Variants in TTBK1 observed in about 807,000 individuals in gnomAD.
The protein encoded by TTBK1 is tau-tubulin kinase 1.
A neutral mutation model predicts 108.5 loss-of-function variants in TTBK1; 34 were observed. The observed-to-expected ratio is 0.31, with a 90% CI of 0.24 to 0.42. The LOEUF is 0.42. Among genes scored for constraint, TTBK1 ranks in the 10% least tolerant of loss-of-function variants. The pLI is 1.00. For synonymous variants in TTBK1, 809 were observed against 795.1 expected (o/e 1.02, Z -0.29); for missense variants, 1,539 against 1,826.0 (o/e 0.84, Z 2.86).
intron 10 of TTBK1, among the ~76,000 whole-genome samples, chr6:43,258,544 C>G (rs1777438161): frequency 6.6e-6 from 1 of 151,816 alleles, no homozygotes; most frequent in East Asian, 1.9e-4. Flanking sequence ...GTGCCCAGTT[C>G]CATACAGACA....
At position 43,273,712 on chromosome 6, in the gene TTBK1, C is replaced by T. The variant is rs72869204; in HGVS notation, c.1987-9015C>T. 0.047 allele frequency among the ~76,000 whole-genome samples: 7,128 copies of T among 152,326 alleles called. 226 individuals carry two copies. Among genetic ancestry groups the T allele is most frequent in the Middle Eastern group, 0.078 (23 of 294 alleles). Reference sequence around the variant, plus strand: ...ACTCCCATGCCCATACCATCCTCAGCTCAACCAATTGTTGCCACTATCTTC... The same window carrying T: ...ACTCCCATGCCCATACCATCCTCAGTTCAACCAATTGTTGCCACTATCTTC... On this transcript the variant is annotated intron_variant, in intron 13 of 14. Coordinates refer to ENST00000259750, the MANE Select transcript of TTBK1 (RefSeq NM_032538.3). The surrounding 1 kb of genome is among the most constrained non-coding windows in gnomAD (Gnocchi z 4.2).
Position 43,253,370 on chromosome 6 carries a change from TC to T in TTBK1, c.330+10del, listed in dbSNP as rs1380168635. On this transcript the variant is annotated splice_region_variant and intron_variant, in intron 4 of 14. Coordinates refer to ENST00000259750, the MANE Select transcript of TTBK1 (RefSeq NM_032538.3). This position sits in a 1 kb window ranked among gnomAD's most constrained non-coding sequence, Gnocchi z 5.8. ...ATGTAGTGATGCAGCTCCAGGTGAG[TC>T]CCCGTGGCCCATCCTCGCTCCCCTC... 1.2e-6 allele frequency: 2 copies of T among 1,613,660 alleles called. No individual in the cohort carries two copies. Among genetic ancestry groups the T allele is most frequent in the East Asian group, 4.5e-5 (2 of 44,864 alleles).
In TTBK1 at chr6:43,283,085, TG is replaced by T; in HGVS notation, c.2349del (p.Pro784LeufsTer61). 6.3e-7 allele frequency: 1 copy of T among 1,585,158 alleles called. No individual in the cohort carries two copies. The highest frequency in any genetic ancestry group is 8.6e-7 in the Non-Finnish European group (1 of 1,166,216). On this transcript the variant is annotated frameshift_variant, in exon 14 of 15. Transcript: ENST00000259750. LOFTEE classifies it high-confidence loss of function. The surrounding 1 kb of genome is among the most constrained non-coding windows in gnomAD (Gnocchi z 8.1). Reference protein sequence around the residue: ...AAAAVALGEVLGPRSGSSSEG... With the variant: ...AAAAVALGEVXGPRSGSSSEG... ...GCGGCAGTTGCCTTGGGGGAGGTGC[TG>T]GGGCCTCGTAGTGGCTCCAGCAGTG...
At chr6:43,279,033 G>T (rs2150710903) in intron 13 of TTBK1, among the ~76,000 whole-genome samples, 1 of 152,304 alleles carries the variant, frequency 6.6e-6, no homozygotes, top group African/African-American at 2.4e-5. Context: ...TTTGGGTCCT[G>T]GGCCACCCTG....
In TTBK1 at chr6:43,259,745, C is replaced by T. The variant is rs1777488123; in HGVS notation, c.1424+39C>T. On this transcript the variant is annotated intron_variant, in intron 12 of 14. Transcript: ENST00000259750. This position sits in a 1 kb window ranked among gnomAD's most constrained non-coding sequence, Gnocchi z 6.7. ...CAGGGGCATGGTTGGGGCCCAAGGC[C>T]CTCTCCGCCTTCACGTGGCTGGTCT... 1 of 1,497,788 alleles carries T rather than the reference C, an allele frequency of 6.7e-7. No homozygotes were observed. Among genetic ancestry groups the T allele is most frequent in the Admixed American group, 2.4e-5 (1 of 42,436 alleles). 92.8% of individuals were successfully genotyped at this position (1,497,788 alleles called of 1,614,324 possible). A position where few individuals can be genotyped will look rare whatever the true frequency, so the allele number is the denominator to read the frequency against.
rs1778356760 is a variant in TTBK1 at position 43,285,586 on chromosome 6, C to A, written c.*210C>A. 2.0e-6 allele frequency: 1 copy of A among 509,654 alleles called. No individual in the cohort carries two copies. The highest frequency in any genetic ancestry group is 4.8e-5 in the Admixed American group (1 of 21,004). The allele number at this position is 509,654 out of a possible 1,614,324, so 31.6% of individuals were successfully genotyped here. A position where few individuals can be genotyped will look rare whatever the true frequency, so the allele number is the denominator to read the frequency against. ...CCGTGGGGGACGCGGCCCCGCGCCG[C>A]GGGGAGGGTCTGCCTCCCCTTCCTC... On this transcript the variant is annotated 3_prime_UTR_variant, in exon 15 of 15. Coordinates refer to ENST00000259750, the MANE Select transcript of TTBK1 (RefSeq NM_032538.3). The surrounding 1 kb of genome is among the most constrained non-coding windows in gnomAD (Gnocchi z 4.7).
At position 43,282,955 on chromosome 6, in the gene TTBK1, G is replaced by A. The variant is rs1442213143; in HGVS notation, c.2215G>A (p.Glu739Lys). The change falls in exon 14 of 15, where the codon GAG becomes AAG. Residue 739 changes from glutamate to lysine, a missense_variant. Glu to Lys is a moderately conservative substitution (Grantham distance 56). This residue lies in a region of TTBK1 where 1,055 missense variants were observed against 1,086.5 expected (regional missense o/e 0.97). Transcript: ENST00000259750. This position sits in a 1 kb window ranked among gnomAD's most constrained non-coding sequence, Gnocchi z 5.4. Reference protein sequence around the residue: ...ANGKEEEEEEEEDEEEEEEDE... With the variant: ...ANGKEEEEEEKEDEEEEEEDE... The stretch of plus-strand genomic sequence containing the variant: ...TGGGAAGGAGGAAGAGGAGGAGGAG[G>A]AGGAAGATGAGGAAGAGGAAGAAGA... 6.2e-7 allele frequency: 1 copy of A among 1,608,004 alleles called. No homozygotes were observed. Among genetic ancestry groups the A allele is most frequent in the African/African-American group, 1.3e-5 (1 of 74,738 alleles).
At chr6:43,246,864 C>T (rs1241390215) in intron 2 of TTBK1, 96 bp downstream of exon 2, 2 of 938,526 alleles carry the variant, frequency 2.1e-6, no homozygotes, top group Non-Finnish European at 3.2e-6. Flanking sequence ...CTCCCCTACC[C>T]TAAGAGGGAG....
In TTBK1 at chr6:43,281,100, G is replaced by A. The variant is rs531014218; in HGVS notation, c.1987-1627G>A. Among the ~76,000 whole-genome samples the A allele has an allele frequency of 1.1e-4, 16 of 152,270 alleles. No homozygotes were observed. In the South Asian group the frequency reaches 1.2e-3, roughly 12 times the overall value. On this transcript the variant is annotated intron_variant, in intron 13 of 14. Coordinates refer to ENST00000259750, the MANE Select transcript of TTBK1 (RefSeq NM_032538.3). Reference sequence around the variant, plus strand: ...AGATCTGAACTGTCTTAGGCCAGGCGTGGTGGCTCACGCCTGTAATCCCAG... The same window carrying A: ...AGATCTGAACTGTCTTAGGCCAGGCATGGTGGCTCACGCCTGTAATCCCAG...
chr6:43,281,781 A>G (rs1350324297), intron 13 of TTBK1, among the ~76,000 whole-genome samples: 1 of 152,216 alleles, frequency 6.6e-6, no homozygotes, highest in Non-Finnish European at 1.5e-5. Context: ...CCGTCCCACC[A>G]TGGAACAAAG....
At chr6:43,250,336 T>C (rs533305858) in intron 2 of TTBK1, among the ~76,000 whole-genome samples, 1 of 147,924 alleles carries the variant, frequency 6.8e-6, no homozygotes, top group Non-Finnish European at 1.5e-5. Context: ...AAATGAAAAC[T>C]GCCTGGCTTT....
intron 12 of TTBK1, among the ~76,000 whole-genome samples, chr6:43,262,156 G>A (rs1231937453): frequency 6.6e-6 from 1 of 152,222 alleles, no homozygotes; most frequent in East Asian, 1.9e-4. Context: ...GCTGGTGAGG[G>A]AAATGGGGAG....
chr6:43,255,593 G>A lies in TTBK1; in HGVS notation c.684G>A (p.Met228Ile), dbSNP rs777605604. 6.2e-7 allele frequency: 1 copy of A among 1,613,808 alleles called. No homozygotes were observed. Among genetic ancestry groups the A allele is most frequent in the Admixed American group, 1.7e-5 (1 of 59,960 alleles). Residue 228 changes from methionine (M) to isoleucine (I), a missense_variant, in exon 8 of 15, where the codon ATG becomes ATA. Transcript: ENST00000259750. ...ACGACCTGTGGTCCCTCTTCTACAT[G>A]CTGGTGGAGTTTGCAGTGGGCCAGC... is the stretch of plus-strand genomic sequence containing the variant. ...RHDDLWSLFYMLVEFAVGQLP... is the reference protein window; with the variant it reads ...RHDDLWSLFYILVEFAVGQLP...
chr6:43,271,638 G>A (rs1029281040), intron 13 of TTBK1: 3 of 985,320 alleles, frequency 3.0e-6, no homozygotes, highest in Non-Finnish European at 3.6e-6. Context: ...AGTGTGGTGG[G>A]CAGTGCCCTG....
intron 1 of TTBK1, 138 bp from the exon 2 acceptor site, chr6:43,246,469 T>C: frequency 2.0e-6 from 1 of 510,178 alleles, no homozygotes; most frequent in Non-Finnish European, 3.5e-6. Flanking sequence ...TATACAATCT[T>C]TCCCCTGGTA....
chr6:43,272,659 G>A, intron 13 of TTBK1: 5 of 985,368 alleles, frequency 5.1e-6, no homozygotes, highest in Non-Finnish European at 6.0e-6. Flanking sequence ...TTTCGGGGTG[G>A]CTTTGACTCT....
chr6:43,284,116 G>C lies in TTBK1; in HGVS notation c.3376G>C (p.Gly1126Arg). The stretch of plus-strand genomic sequence containing the variant: ...GCGCCGTGCCTCTGAGACCCTCTCA[G>C]GCACGGGCTCTGAGGAGGACACGCC... Reference protein sequence around the residue: ...EQRRASETLSGTGSEEDTPAS... With the variant: ...EQRRASETLSRTGSEEDTPAS... Residue 1126 changes from glycine to arginine, a missense_variant, in exon 14 of 15, where the codon GGC (glycine) becomes CGC (arginine). Physicochemically the swap from Gly to Arg is moderately radical, Grantham distance 125. This residue lies in a region of TTBK1 where 1,055 missense variants were observed against 1,086.5 expected (regional missense o/e 0.97). Coordinates refer to ENST00000259750, the MANE Select transcript of TTBK1 (RefSeq NM_032538.3). 1 of 1,540,014 alleles carries C rather than the reference G, an allele frequency of 6.5e-7. No homozygotes were observed.
intron 14 of TTBK1, among the ~76,000 whole-genome samples, chr6:43,284,614 A>T (rs929178136): frequency 2.6e-5 from 4 of 152,244 alleles, no homozygotes; most frequent in Non-Finnish European, 5.9e-5. Context: ...GCCATGGGGC[A>T]TTGGAAGCCA....
At chr6:43,246,140 T>A (rs888674691) in intron 1 of TTBK1, among the ~76,000 whole-genome samples, 1 of 152,220 alleles carries the variant, frequency 6.6e-6, no homozygotes, top group African/African-American at 2.4e-5. Flanking sequence ...CACTTTGGTG[T>A]GGGTGTCCCA....
Sources: allele counts gnomAD v4.1 joint callset (sites outside exome capture counted in the v4.1 genomes callset), GRCh38; gene constraint gnomAD v4.1.1; regional missense constraint gnomAD v4.1.1; non-coding constraint Gnocchi (gnomAD v3.1); transcripts MANE v1.5; gene names NCBI Gene and HGNC (gene_info 2026-07-23, HGNC 2026-07-21).